Variants in DOCK11 observed in about 807,000 individuals in gnomAD.
DOCK11 encodes the protein dedicator of cytokinesis protein 11.
In DOCK11, 70 loss-of-function variants were observed where a neutral mutation model predicts 169.1. That is an observed-to-expected ratio of 0.41 (90% CI 0.34 to 0.51). The LOEUF (loss-of-function observed/expected upper bound fraction) is 0.51, where lower values mean the gene tolerates loss of function less well. Ranked by LOEUF, DOCK11 falls within the 20% of genes least tolerant of loss-of-function variation. The pLI is 0.10. For missense variants in DOCK11, 1,166 were observed against 1,538.8 expected (o/e 0.76, Z 4.05); for synonymous variants, 529 against 541.3 (o/e 0.98, Z 0.32).
At chrX:118,584,684 T>C (rs765572985) in intron 14 of DOCK11, 51 bp from the exon 15 acceptor site, 5 of 1,068,839 alleles carry the variant, frequency 4.7e-6, no homozygotes, top group Non-Finnish European at 6.2e-6. Flanking sequence ...TATCTTAATT[T>C]ATCAACATGG....
chrX:118,520,762 A>G (rs2057717020), intron 1 of DOCK11, among the ~76,000 whole-genome samples: 1 of 112,521 alleles, frequency 8.9e-6, no homozygotes. Flanking sequence ...AATCACTTCC[A>G]GATGTGGAGC....
At chrX:118,633,055 A>C (rs2015294368) in intron 35 of DOCK11, 1 of 108,036 alleles carries the variant, frequency 9.3e-6, no homozygotes, top group Non-Finnish European at 1.9e-5. Context: ...TCTTTAGCCC[A>C]GACTCCAAAA....
intron 52 of DOCK11, among the ~76,000 whole-genome samples, chrX:118,684,554 G>A (rs1016158861): frequency 5.5e-5 from 6 of 109,563 alleles, no homozygotes; most frequent in African/African-American, 1.7e-4. Context: ...GATTACAGGC[G>A]TGAGCCACCA....
intron 31 of DOCK11, among the ~76,000 whole-genome samples, chrX:118,624,227 C>G (rs768262432): frequency 8.9e-6 from 1 of 112,806 alleles, no homozygotes; most frequent in Non-Finnish European, 1.9e-5. Flanking sequence ...TCAACGCTCA[C>G]TGGAGCTGAA....
In DOCK11 at chrX:118,568,178, T is replaced by A. The variant is rs1396480281; in HGVS notation, c.1035+16T>A. The A allele has an allele frequency of 1.0e-6, 1 of 989,592 alleles. No individual in the cohort carries two copies. Among genetic ancestry groups the A allele is most frequent in the African/African-American group, 2.0e-5 (1 of 50,750 alleles). The allele number at this position is 989,592 out of a possible 1,213,427, so 81.6% of individuals were successfully genotyped here. A position where few individuals can be genotyped will look rare whatever the true frequency, so the allele number is the denominator to read the frequency against. On this transcript the variant is annotated intron_variant, in intron 10 of 52. Coordinates refer to ENST00000276202, the MANE Select transcript of DOCK11 (RefSeq NM_144658.4). ...AGAAGTTCAGGTATTAATGATACAT[T>A]TCTTTAATAGTCCTAGAATTATTGC...
intron 45 of DOCK11, among the ~76,000 whole-genome samples, chrX:118,664,573 AG>A (rs1382214348): frequency 9.0e-6 from 1 of 110,555 alleles, no homozygotes; most frequent in Non-Finnish European, 1.9e-5. Flanking sequence ...TGAATTTGGG[AG>A]GTGGAGGTTG....
In DOCK11 at chrX:118,566,168, T is replaced by C; in HGVS notation, c.857T>C (p.Val286Ala). 1 of 1,200,906 alleles carries C rather than the reference T, an allele frequency of 8.3e-7. No individual in the cohort carries two copies. Reference sequence around the variant, plus strand: ...TTAGTTCAAGAAAAAAAGGAGACGGTAGAAACAGCACAAGGTCAGAATTTT... The same window carrying C: ...TTAGTTCAAGAAAAAAAGGAGACGGCAGAAACAGCACAAGGTCAGAATTTT... Reference protein sequence around the residue: ...DSLVQEKKETVETAQDDETSS... With the variant: ...DSLVQEKKETAETAQDDETSS... The change falls in exon 8 of 53, where the codon GTA becomes GCA. Residue 286 changes from valine to alanine, a missense_variant. Coordinates refer to ENST00000276202, the MANE Select transcript of DOCK11 (RefSeq NM_144658.4).
At chrX:118,633,495 G>C (rs1049011196) in intron 35 of DOCK11, 1 of 111,967 alleles carries the variant, frequency 8.9e-6, no homozygotes, top group Non-Finnish European at 1.9e-5. Context: ...AAAAAATCTT[G>C]AAATTCATAC....
chrX:118,519,276 G>A (rs1236607781), intron 1 of DOCK11, among the ~76,000 whole-genome samples: 2 of 112,068 alleles, frequency 1.8e-5, no homozygotes, highest in Admixed American at 9.5e-5. Flanking sequence ...AGCTGGGCAC[G>A]GTGGCTCACG....
chrX:118,624,670 G>A lies in DOCK11; in HGVS notation c.3588+15G>A. 9.3e-7 allele frequency: 1 copy of A among 1,071,615 alleles called. No individual in the cohort carries two copies. Among genetic ancestry groups the A allele is most frequent in the Non-Finnish European group, 1.3e-6 (1 of 782,691 alleles). The allele number at this position is 1,071,615 out of a possible 1,213,427, so 88.3% of individuals were successfully genotyped here. A position where few individuals can be genotyped will look rare whatever the true frequency, so the allele number is the denominator to read the frequency against. On this transcript the variant is annotated intron_variant, in intron 32 of 52. Transcript: ENST00000276202. ...TGCCTAATTCTGTAAGTAGTAATGTGTTTCTGTTGGAGTTTTATCCTATTT... is the reference window on the plus strand; with the variant it reads ...TGCCTAATTCTGTAAGTAGTAATGTATTTCTGTTGGAGTTTTATCCTATTT...
intron 12 of DOCK11, among the ~76,000 whole-genome samples, chrX:118,576,622 C>G (rs1391685966): frequency 8.9e-6 from 1 of 112,242 alleles, no homozygotes; most frequent in Non-Finnish European, 1.9e-5. Flanking sequence ...ACACTCAGCA[C>G]TGTGATGGGC....
chrX:118,580,166 G>A lies in DOCK11; in HGVS notation c.1582G>A (p.Ala528Thr), dbSNP rs146567803. The change falls in exon 14 of 53, where the codon GCT becomes ACT. Residue 528 changes from alanine to threonine, a missense_variant. Ala to Thr is a moderately conservative substitution (Grantham distance 58, BLOSUM62 0). Coordinates refer to ENST00000276202, the MANE Select transcript of DOCK11 (RefSeq NM_144658.4). ...SRLGQYRMPF[A>T]WAARPIFKDT... ...CCTTGGACAATACAGAATGCCCTTC[G>A]CTTGGGCTGCCAGGTTTGTACAAAT... 2.1e-5 allele frequency: 25 copies of A among 1,204,406 alleles called. No homozygotes were observed. The African/African-American group carries it at 2.3e-4, about 11-fold the overall frequency.
chrX:118,591,490 C>T (rs886915194), intron 19 of DOCK11, among the ~76,000 whole-genome samples: 5 of 110,040 alleles, frequency 4.5e-5, no homozygotes, highest in African/African-American at 1.6e-4. Flanking sequence ...TAACCAACAT[C>T]AGTCACTACA....
At chrX:118,624,290 AC>A (rs2015044070) in intron 31 of DOCK11, among the ~76,000 whole-genome samples, 1 of 112,346 alleles carries the variant, frequency 8.9e-6, no homozygotes. Flanking sequence ...TTTTACAAAA[AC>A]CTTTTACTTC....
At chrX:118,648,129 AT>A (rs2015826403) in intron 40 of DOCK11, among the ~76,000 whole-genome samples, 2 of 77,895 alleles carry the variant, frequency 2.6e-5, no homozygotes, top group South Asian at 1.0e-3. Flanking sequence ...GTAATATTAT[AT>A]AATATAATAT....
intron 44 of DOCK11, among the ~76,000 whole-genome samples, chrX:118,658,712 C>G (rs765114088): frequency 8.9e-6 from 1 of 112,398 alleles, no homozygotes; most frequent in East Asian, 2.8e-4. Context: ...CAGCTATTCT[C>G]CTTCCTCCCA....
chrX:118,657,344 A>C (rs927503665), intron 44 of DOCK11, among the ~76,000 whole-genome samples: 2 of 112,087 alleles, frequency 1.8e-5, no homozygotes, highest in African/African-American at 6.5e-5. Context: ...TGTTAAAAAA[A>C]ATGATGTTTA....
rs749623587 is a variant in DOCK11 at position 118,624,605 on chromosome X, C to T, written c.3538C>T (p.Arg1180Ter). 4 of 1,206,794 alleles carry T rather than the reference C, an allele frequency of 3.3e-6. No homozygotes were observed. Among genetic ancestry groups the T allele is most frequent in the Non-Finnish European group, 4.5e-6 (4 of 893,309 alleles). ...FVGLLLENIQRLAGRDTLYSC... is the reference protein window; with the variant it reads ...FVGLLLENIQ ...TGGACTACTTTTGGAAAATATACAG[C>T]GATTAGCAGGTCGAGATACCTTGTA... is the stretch of plus-strand genomic sequence containing the variant. Residue 1180 changes from arginine (R) to a stop codon, truncating the protein, a stop_gained, in exon 32 of 53, where the codon CGA (arginine) becomes TGA (stop). Coordinates refer to ENST00000276202, the MANE Select transcript of DOCK11 (RefSeq NM_144658.4). LOFTEE classifies it high-confidence loss of function.
chrX:118,546,217 A>C (rs1307477495), intron 6 of DOCK11, 101 bp downstream of exon 6: 55 of 365,841 alleles, frequency 1.5e-4, no homozygotes, highest in Admixed American at 3.7e-4. Flanking sequence ...TAGCAAAAAA[A>C]AAAAAAAAAA....
Sources: gnomAD v4.1 joint callset for allele counts (sites outside exome capture counted in the v4.1 genomes callset) on GRCh38, gnomAD v4.1.1 for gene constraint, MANE v1.5 for transcripts, NCBI Gene and HGNC (gene_info 2026-07-23, HGNC 2026-07-21) for gene names.